The following CFAP221 variants were observed in gnomAD, a reference collection of about 807,000 sequenced individuals.
CFAP221 encodes cilia- and flagella-associated protein 221.
CFAP221 carries 97 observed loss-of-function variants against 113.1 expected under a neutral mutation model. That is an observed-to-expected ratio of 0.86 (90% CI 0.73 to 1.02). The LOEUF (loss-of-function observed/expected upper bound fraction) is 1.02. CFAP221 is among the 50% of genes least tolerant of loss of function. The probability of loss-of-function intolerance (pLI) is 0.00; values close to 1 mark genes in which losing one functional copy is unlikely to be tolerated. For synonymous variants in CFAP221, 331 were observed against 354.4 expected (o/e 0.93, Z 0.74); for missense variants, 1,025 against 1,013.4 (o/e 1.01, Z -0.16).
At chr2:119,634,827 G>C (rs942265309) in intron 19 of CFAP221, among the ~76,000 whole-genome samples, 1 of 152,148 alleles carries the variant, frequency 6.6e-6, no homozygotes, top group South Asian at 2.1e-4. Flanking sequence ...AGGGGAAAAC[G>C]GGGAGTTACT....
chr2:119,613,632 G>T (rs762621368), intron 13 of CFAP221, among the ~76,000 whole-genome samples: 25 of 152,336 alleles, frequency 1.6e-4, no homozygotes, highest in Non-Finnish European at 3.5e-4. Context: ...TGAATCCCAA[G>T]ACTGCATAAA....
chr2:119,588,219 A>G (rs532553799), intron 7 of CFAP221, among the ~76,000 whole-genome samples: 1 of 152,260 alleles, frequency 6.6e-6, no homozygotes, highest in South Asian at 2.1e-4. Flanking sequence ...ATTAAGTTCC[A>G]TGGGCTGAAG....
rs1684623674 is a variant in CFAP221 at position 119,604,873 on chromosome 2, T to C, written c.913-3T>C. 1.2e-6 allele frequency: 2 copies of C among 1,613,750 alleles called. No homozygotes were observed. The highest frequency in any genetic ancestry group is 1.7e-5 in the Admixed American group (1 of 59,992). ...TGATTTCCCTATTGATTTGGTCTCT[T>C]AGGAAATTGAGTACCAGAACCTCAG... On this transcript the variant is annotated splice_polypyrimidine_tract_variant and splice_region_variant and intron_variant, in intron 9 of 23. Transcript: ENST00000413369.
chr2:119,640,192 A>C (rs1226071938), intron 21 of CFAP221, among the ~76,000 whole-genome samples: 1 of 148,030 alleles, frequency 6.8e-6, no homozygotes, highest in Non-Finnish European at 1.5e-5. Flanking sequence ...CCTGGGTGAC[A>C]GAGAGAGACT....
intron 21 of CFAP221, among the ~76,000 whole-genome samples, chr2:119,644,855 C>T (rs1687700702): frequency 6.6e-6 from 1 of 152,074 alleles, no homozygotes; most frequent in Non-Finnish European, 1.5e-5. Context: ...TTGTATCTCC[C>T]TTCTTCCACT....
chr2:119,652,368 C>G (rs1210034892), intron 23 of CFAP221, among the ~76,000 whole-genome samples: 3 of 152,336 alleles, frequency 2.0e-5, no homozygotes, highest in Admixed American at 2.0e-4. Context: ...GTATAAAGAA[C>G]TGGCTCTGGA....
At chr2:119,602,894 T>C (rs1253696896) in intron 8 of CFAP221, 2 of 510,518 alleles carry the variant, frequency 3.9e-6, no homozygotes, top group East Asian at 3.0e-4. Flanking sequence ...CACGACAGCA[T>C]TGTATGACAG....
chr2:119,613,472 C>A (rs1033734491), intron 13 of CFAP221, among the ~76,000 whole-genome samples: 5 of 152,246 alleles, frequency 3.3e-5, no homozygotes, highest in African/African-American at 4.8e-5. Context: ...GAAATCCAGA[C>A]AGAGTTTCCC....
chr2:119,602,857 A>C, intron 8 of CFAP221: 1 of 845,152 alleles, frequency 1.2e-6, no homozygotes, highest in Non-Finnish European at 1.4e-6. Flanking sequence ...TTATTTGTAT[A>C]TCCTTCCATG....
chr2:119,596,300 G>A (rs1046345735), intron 7 of CFAP221, among the ~76,000 whole-genome samples: 2 of 152,144 alleles, frequency 1.3e-5, no homozygotes, highest in East Asian at 1.9e-4. Context: ...TAGGGGGTGC[G>A]CTGCACTTCC....
At chr2:119,555,543 A>T (rs1486352193) in intron 3 of CFAP221, among the ~76,000 whole-genome samples, 1 of 152,222 alleles carries the variant, frequency 6.6e-6, no homozygotes, top group Non-Finnish European at 1.5e-5. Flanking sequence ...TTATAAATGG[A>T]AAGGCAGGAC....
At chr2:119,578,079 G>A (rs935336845) in intron 6 of CFAP221, among the ~76,000 whole-genome samples, 5 of 152,162 alleles carry the variant, frequency 3.3e-5, no homozygotes, top group African/African-American at 1.2e-4. Context: ...CCTGAGGGCT[G>A]GAAGTCTGGT....
chr2:119,599,337 C>A (rs1180990241), intron 7 of CFAP221, among the ~76,000 whole-genome samples: 1 of 152,090 alleles, frequency 6.6e-6, no homozygotes, highest in East Asian at 1.9e-4. Flanking sequence ...ACTGAAGGTT[C>A]CTGTGGAGGG....
intron 14 of CFAP221, among the ~76,000 whole-genome samples, chr2:119,621,446 G>A (rs998015882): frequency 6.6e-6 from 1 of 152,104 alleles, no homozygotes; most frequent in Non-Finnish European, 1.5e-5. Context: ...AATAGTGGGA[G>A]ACTTTAACGC....
intron 11 of CFAP221, among the ~76,000 whole-genome samples, chr2:119,607,164 T>C (rs895021400): frequency 1.3e-5 from 2 of 152,220 alleles, no homozygotes; most frequent in African/African-American, 4.8e-5. Flanking sequence ...TTAAATTTTA[T>C]AAAAATGAAA....
rs149210156 is a variant in CFAP221, at chr2:119,567,813, T to C, written c.527+5699T>C. Among the ~76,000 whole-genome samples the C allele has an allele frequency of 2.3e-4, 35 of 152,366 alleles. No homozygotes were observed. The East Asian group carries it at 6.2e-3, about 27-fold the overall frequency. ...TAGTTCTATTAATATCTAGCATATT[T>C]GTTAGTTTTGTAATTGTTGCCCTTG... On this transcript the variant is annotated intron_variant, in intron 6 of 23. Coordinates refer to ENST00000413369, the MANE Select transcript of CFAP221 (RefSeq NM_001271049.2).
At chr2:119,553,994 A>G (rs140250467) in intron 3 of CFAP221, among the ~76,000 whole-genome samples, 395 of 152,354 alleles carry the variant, frequency 2.6e-3, no homozygotes, top group African/African-American at 9.2e-3. Context: ...TACTGCTTCG[A>G]TCAGACATTA....
intron 16 of CFAP221, 142 bp downstream of exon 16, chr2:119,627,928 G>A: frequency 8.7e-7 from 1 of 1,153,584 alleles, no homozygotes; most frequent in South Asian, 1.6e-5. Context: ...TATTACCAGT[G>A]GAAAACCAGG....
Position 119,636,812 on chromosome 2 carries a change from A to G in CFAP221, c.1975-1447A>G, listed in dbSNP as rs969303463. On this transcript the variant is annotated intron_variant, in intron 19 of 23. Transcript: ENST00000413369. ...TTAAAATTAAAAGCATCATGGGGTG[A>G]CCACTGAGACCAGTTACTCTGGGAG... Among the ~76,000 whole-genome samples, 5 of 152,328 alleles carry G rather than the reference A, an allele frequency of 3.3e-5. No homozygotes were observed. The East Asian group carries it at 9.6e-4, about 29-fold the overall frequency.
Sources: gnomAD v4.1 joint callset for allele counts (sites outside exome capture counted in the v4.1 genomes callset) on GRCh38, gnomAD v4.1.1 for gene constraint, MANE v1.5 for transcripts, NCBI Gene and HGNC (gene_info 2026-07-23, HGNC 2026-07-21) for gene names.